KCNH7: variants seen among roughly 807,000 people sequenced by gnomAD.
KCNH7 encodes potassium voltage-gated channel subfamily H member 7.
KCNH7 carries 49 observed loss-of-function variants against 120.8 expected under a neutral mutation model. That is an observed-to-expected ratio of 0.41 (90% CI 0.32 to 0.51). The LOEUF is 0.51. Ranked by LOEUF, KCNH7 falls within the 20% of genes least tolerant of loss-of-function variation. KCNH7 has a pLI of 0.38. For missense variants in KCNH7, 1,097 were observed against 1,446.6 expected (o/e 0.76, Z 3.92); for synonymous variants, 547 against 516.1 (o/e 1.06, Z -0.81).
chr2:162,672,872 A>T (rs1383531485), intron 2 of KCNH7, among the ~76,000 whole-genome samples: 2 of 152,038 alleles, frequency 1.3e-5, no homozygotes, highest in Non-Finnish European at 2.9e-5. Context: ...TTAAGAAAGA[A>T]AAACAGCTCA....
At chr2:162,584,307 T>C (rs928196527) in intron 2 of KCNH7, among the ~76,000 whole-genome samples, 3 of 152,140 alleles carry the variant, frequency 2.0e-5, no homozygotes, top group African/African-American at 7.2e-5. Context: ...TATGTCCATT[T>C]CCATTTTATT....
intron 12 of KCNH7, among the ~76,000 whole-genome samples, chr2:162,392,379 A>G (rs1187541562): frequency 6.6e-6 from 1 of 151,970 alleles, no homozygotes; most frequent in Non-Finnish European, 1.5e-5. Flanking sequence ...AACAATGTAC[A>G]TGGAGGAGTG....
chr2:162,379,269 C>G (rs1307305443), intron 14 of KCNH7, among the ~76,000 whole-genome samples: 1 of 152,118 alleles, frequency 6.6e-6, no homozygotes, highest in African/African-American at 2.4e-5. Context: ...TTTTTGACCA[C>G]TTTAATTTTA....
chr2:162,672,348 A>G (rs1685388789), intron 2 of KCNH7, among the ~76,000 whole-genome samples: 1 of 152,220 alleles, frequency 6.6e-6, no homozygotes, highest in East Asian at 1.9e-4. Flanking sequence ...ATCATTAGTA[A>G]AGAAACAACT....
In KCNH7 at chr2:162,575,307, C is replaced by T. The variant is rs140294985; in HGVS notation, c.308-38227G>A. On this transcript the variant is annotated intron_variant, in intron 2 of 15. Transcript: ENST00000332142. ...TATTCCTCAATCATGGTTCTCTTCC[C>T]GCATTTACCCTACTCTGGCTTTCTT... Among the ~76,000 whole-genome samples the T allele has an allele frequency of 5.3e-3, 809 of 152,146 alleles. 10 individuals carry two copies. The highest frequency in any genetic ancestry group is 0.019 in the African/African-American group (770 of 41,522).
intron 2 of KCNH7, among the ~76,000 whole-genome samples, chr2:162,813,026 G>A (rs1262137483): frequency 6.6e-6 from 1 of 151,892 alleles, no homozygotes; most frequent in Non-Finnish European, 1.5e-5. Context: ...GGAAAGGAGG[G>A]GACAGGAATC....
chr2:162,772,612 T>C (rs1352658093), intron 2 of KCNH7, among the ~76,000 whole-genome samples: 1 of 152,192 alleles, frequency 6.6e-6, no homozygotes, highest in East Asian at 1.9e-4. Context: ...CCAGCTCAGA[T>C]ATATTTGGAA....
chr2:162,555,756 A>G (rs1255980478), intron 2 of KCNH7, among the ~76,000 whole-genome samples: 11 of 152,038 alleles, frequency 7.2e-5, no homozygotes, highest in Non-Finnish European at 1.6e-4. Context: ...TTGTATGTAG[A>G]TTAGCAGCCT....
chr2:162,397,518 T>C (rs1019861419), intron 10 of KCNH7, among the ~76,000 whole-genome samples: 8 of 151,864 alleles, frequency 5.3e-5, no homozygotes, highest in African/African-American at 1.9e-4. Flanking sequence ...ACATATGTAG[T>C]CCTGCTTTTT....
At chr2:162,771,774 C>T (rs534049687) in intron 2 of KCNH7, among the ~76,000 whole-genome samples, 1 of 151,852 alleles carries the variant, frequency 6.6e-6, no homozygotes, top group African/African-American at 2.4e-5. Context: ...TATCTTTAGA[C>T]TATCTCCATT....
At chr2:162,542,880 G>T (rs925515040) in intron 2 of KCNH7, among the ~76,000 whole-genome samples, 3 of 152,086 alleles carry the variant, frequency 2.0e-5, no homozygotes, top group East Asian at 3.9e-4. Flanking sequence ...GTGTAAAATT[G>T]TTCCTATTTC....
chr2:162,470,545 G>A (rs1378219620), intron 6 of KCNH7, among the ~76,000 whole-genome samples: 2 of 151,936 alleles, frequency 1.3e-5, no homozygotes, highest in Admixed American at 6.5e-5. Context: ...GAGCGTCTCC[G>A]CCCGGCAGCC....
rs144794558 is a variant in KCNH7, at chr2:162,627,799, T to C, written c.308-90719A>G. ...GACATAGTCAACATTCAAATTTTTC[T>C]AGTGATTAAAATCTTTAAGAAGGAA... On this transcript the variant is annotated intron_variant, in intron 2 of 15. Coordinates refer to ENST00000332142, the MANE Select transcript of KCNH7 (RefSeq NM_033272.4). Among the ~76,000 whole-genome samples the C allele has an allele frequency of 7.2e-3, 1,104 of 152,298 alleles. 20 individuals carry two copies. Among genetic ancestry groups the C allele is most frequent in the African/African-American group, 0.025 (1,049 of 41,568 alleles).
intron 9 of KCNH7, among the ~76,000 whole-genome samples, chr2:162,403,926 C>T (rs1265589183): frequency 6.6e-6 from 1 of 151,900 alleles, no homozygotes; most frequent in African/African-American, 2.4e-5. Flanking sequence ...TGAAAAAAGT[C>T]TGAAATAAGA....
chr2:162,433,083 G>A (rs146778476), intron 8 of KCNH7, among the ~76,000 whole-genome samples: 30 of 152,044 alleles, frequency 2.0e-4, no homozygotes, highest in African/African-American at 7.0e-4. Context: ...GGAGGTGAAA[G>A]GTCTCTACAA....
At chr2:162,436,922 C>A (rs1688258841) in intron 7 of KCNH7, among the ~76,000 whole-genome samples, 1 of 151,778 alleles carries the variant, frequency 6.6e-6, no homozygotes, top group Non-Finnish European at 1.5e-5. Context: ...CCAGCCTGGG[C>A]AATATAGTGA....
At chr2:162,580,524 T>C (rs940775722) in intron 2 of KCNH7, among the ~76,000 whole-genome samples, 1 of 152,108 alleles carries the variant, frequency 6.6e-6, no homozygotes. Flanking sequence ...TAGTCCATTC[T>C]GTGGCATTCA....
At position 162,608,753 on chromosome 2, in the gene KCNH7, T is replaced by C. The variant is rs372063398; in HGVS notation, c.308-71673A>G. On this transcript the variant is annotated intron_variant, in intron 2 of 15. Coordinates refer to ENST00000332142, the MANE Select transcript of KCNH7 (RefSeq NM_033272.4). ...AGTGTAACTCATTTCTAGTAACTTG[T>C]TATTTAACTAATGAAGCCACAGCAT... 9.8e-5 allele frequency among the ~76,000 whole-genome samples: 15 copies of C among 152,290 alleles called. No individual in the cohort carries two copies. The South Asian group carries it at 3.1e-3, about 32-fold the overall frequency.
chr2:162,640,387 T>C (rs769699654), intron 2 of KCNH7, among the ~76,000 whole-genome samples: 3 of 152,080 alleles, frequency 2.0e-5, no homozygotes, highest in East Asian at 3.9e-4. Flanking sequence ...TACCTAGAAA[T>C]AGACCCACAT....
Sources: gnomAD v4.1 joint callset for allele counts (sites outside exome capture counted in the v4.1 genomes callset) on GRCh38, gnomAD v4.1.1 for gene constraint, MANE v1.5 for transcripts, NCBI Gene and HGNC (gene_info 2026-07-23, HGNC 2026-07-21) for gene names.